Variants in PTPRT observed in about 807,000 individuals in gnomAD.
PTPRT encodes the protein receptor-type tyrosine-protein phosphatase T.
A neutral mutation model predicts 176.8 loss-of-function variants in PTPRT; 56 were observed. That is an observed-to-expected ratio of 0.32 (90% CI 0.26 to 0.40). The LOEUF (loss-of-function observed/expected upper bound fraction) is 0.40, where lower values mean the gene tolerates loss of function less well. Among genes scored for constraint, PTPRT ranks in the 10% least tolerant of loss-of-function variants. PTPRT has a pLI of 1.00. For missense variants in PTPRT, 1,540 were observed against 1,908.2 expected (o/e 0.81, Z 3.60); for synonymous variants, 783 against 739.0 (o/e 1.06, Z -0.96).
At chr20:42,527,942 A>G (rs1038043893) in intron 7 of PTPRT, among the ~76,000 whole-genome samples, 1 of 152,238 alleles carries the variant, frequency 6.6e-6, no homozygotes, top group Non-Finnish European at 1.5e-5. Flanking sequence ...AGTTAGTAGA[A>G]TATAGAATCT....
chr20:42,144,683 T>G (rs2146429728), intron 17 of PTPRT, among the ~76,000 whole-genome samples: 1 of 152,306 alleles, frequency 6.6e-6, no homozygotes, highest in East Asian at 1.9e-4. Context: ...GATTACTCTC[T>G]CTACCCTAAA....
At chr20:42,883,817 TATGC>T (rs1600516104) in intron 2 of PTPRT, among the ~76,000 whole-genome samples, 33 of 47,166 alleles carry the variant, frequency 7.0e-4, no homozygotes, top group Admixed American at 9.3e-4. Flanking sequence ...TACACCCCCA[TATGC>T]ACACACACAC....
chr20:43,062,851 T>C (rs1987529351), intron 1 of PTPRT, among the ~76,000 whole-genome samples: 1 of 152,214 alleles, frequency 6.6e-6, no homozygotes, highest in East Asian at 1.9e-4. Context: ...AAAAGAATCC[T>C]GGACTCTCTA....
At chr20:42,589,873 A>G (rs2073538269) in intron 7 of PTPRT, among the ~76,000 whole-genome samples, 1 of 152,096 alleles carries the variant, frequency 6.6e-6, no homozygotes, top group Admixed American at 6.5e-5. Flanking sequence ...GGCAGATTAT[A>G]TTTTCCAAAG....
chr20:42,854,277 C>A (rs552651940), intron 2 of PTPRT, among the ~76,000 whole-genome samples: 1 of 152,100 alleles, frequency 6.6e-6, no homozygotes, highest in Non-Finnish European at 1.5e-5. Flanking sequence ...TTACTAGGTA[C>A]TGAAAATAGA....
chr20:42,106,494 T>A (rs533519784), intron 24 of PTPRT, among the ~76,000 whole-genome samples: 1 of 152,220 alleles, frequency 6.6e-6, no homozygotes, highest in Admixed American at 6.5e-5. Flanking sequence ...ATTCCAATAA[T>A]CCCCGAAATT....
intron 9 of PTPRT, among the ~76,000 whole-genome samples, chr20:42,384,943 C>A (rs2058731000): frequency 6.6e-6 from 1 of 151,986 alleles, no homozygotes; most frequent in Admixed American, 6.6e-5. Context: ...TATTTGTTTT[C>A]TTGGTATTGA....
chr20:43,178,992 C>T (rs6103182), intron 1 of PTPRT, among the ~76,000 whole-genome samples: 1 of 152,156 alleles, frequency 6.6e-6, no homozygotes, highest in Non-Finnish European at 1.5e-5. Context: ...CAGATACTGC[C>T]TAGACAAGAA....
chr20:42,888,569 A>C (rs1388048006), intron 1 of PTPRT, among the ~76,000 whole-genome samples: 3 of 152,212 alleles, frequency 2.0e-5, no homozygotes, highest in Non-Finnish European at 4.4e-5. Flanking sequence ...GCCAATATTA[A>C]ATCCATGGCA....
At chr20:42,956,251 G>A (rs1461542689) in intron 1 of PTPRT, among the ~76,000 whole-genome samples, 2 of 152,142 alleles carry the variant, frequency 1.3e-5, no homozygotes, top group Non-Finnish European at 2.9e-5. Context: ...CCCACTGCCG[G>A]AGGTGGGACC....
At chr20:42,824,619 A>G (rs1377180669) in intron 2 of PTPRT, among the ~76,000 whole-genome samples, 3 of 152,172 alleles carry the variant, frequency 2.0e-5, no homozygotes, top group Non-Finnish European at 1.5e-5. Flanking sequence ...AAATTAATTA[A>G]CTAGCTAATT....
intron 13 of PTPRT, among the ~76,000 whole-genome samples, chr20:42,257,234 C>T (rs2056657767): frequency 6.6e-6 from 1 of 152,140 alleles, no homozygotes; most frequent in African/African-American, 2.4e-5. Flanking sequence ...AAGTCAAGGC[C>T]AACATGGAGA....
intron 13 of PTPRT, among the ~76,000 whole-genome samples, chr20:42,262,221 G>T (rs11907014): frequency 0.15 from 22,518 of 152,132 alleles, 1,900 homozygotes; most frequent in East Asian, 0.31. Context: ...AAGCTGATCT[G>T]TTCCCCTCCC....
chr20:42,697,819 G>C (rs901880275), intron 6 of PTPRT, among the ~76,000 whole-genome samples: 15 of 152,228 alleles, frequency 9.9e-5, no homozygotes, highest in Non-Finnish European at 4.4e-5. Flanking sequence ...GATGGTCTCA[G>C]TGAAATTGCC....
intron 1 of PTPRT, among the ~76,000 whole-genome samples, chr20:43,119,671 C>T (rs1390572010): frequency 1.3e-5 from 2 of 152,194 alleles, no homozygotes; most frequent in Admixed American, 6.5e-5. Context: ...CTGGTTTCAA[C>T]ATTCATCCTT....
At chr20:43,138,545 T>C (rs1423769729) in intron 1 of PTPRT, among the ~76,000 whole-genome samples, 1 of 152,202 alleles carries the variant, frequency 6.6e-6, no homozygotes, top group Admixed American at 6.5e-5. Context: ...CGAGGACCTT[T>C]GTACCGGGCA....
intron 27 of PTPRT, among the ~76,000 whole-genome samples, chr20:42,094,303 T>C (rs1481154619): frequency 2.0e-5 from 3 of 152,214 alleles, no homozygotes; most frequent in Non-Finnish European, 4.4e-5. Flanking sequence ...GCCTTCAGAC[T>C]CCAAAACTCT....
chr20:43,089,390 G>A (rs1470838826), intron 1 of PTPRT, among the ~76,000 whole-genome samples: 1 of 152,192 alleles, frequency 6.6e-6, no homozygotes, highest in Non-Finnish European at 1.5e-5. Context: ...ATCCAACAAT[G>A]AGGCATTGCT....
chr20:42,932,392 G>A (rs1409056679), intron 1 of PTPRT, among the ~76,000 whole-genome samples: 4 of 152,220 alleles, frequency 2.6e-5, no homozygotes, highest in Non-Finnish European at 1.5e-5. Flanking sequence ...TTTAAAAGGT[G>A]GCCGGTGCTT....
Sources: allele counts gnomAD v4.1 joint callset (sites outside exome capture counted in the v4.1 genomes callset), GRCh38; gene constraint gnomAD v4.1.1; transcripts MANE v1.5; gene names NCBI Gene and HGNC (gene_info 2026-07-23, HGNC 2026-07-21).